Variants in FAM221B observed in about 807,000 individuals in gnomAD.
The protein encoded by FAM221B is protein FAM221B.
A neutral mutation model predicts 39.8 loss-of-function variants in FAM221B; 35 were observed. That is an observed-to-expected ratio of 0.88 (90% CI 0.67 to 1.17). The LOEUF is 1.17. Among genes scored for constraint, FAM221B ranks in the 50% most tolerant of loss-of-function variants. The pLI, the probability that FAM221B is intolerant of heterozygous loss-of-function variation, is 0.00. For synonymous variants in FAM221B, 158 were observed against 178.1 expected (o/e 0.89, Z 0.90); for missense variants, 479 against 503.1 (o/e 0.95, Z 0.46).
At chr9:35,821,015 C>T (rs34888682) in intron 3 of FAM221B, among the ~76,000 whole-genome samples, 2,627 of 152,266 alleles carry the variant, frequency 0.017, 34 homozygotes, top group Non-Finnish European at 0.026. Context: ...GATTCTTAGT[C>T]CCAATTAAAG....
At position 35,818,969 on chromosome 9, in the gene FAM221B, C is replaced by T. The variant is rs754496512; in HGVS notation, c.1092G>A (p.Ala364=). ...CGCFESNFLC[A]ACDRRWEEHE... ...GTTCCTCCCAGCGCCGGTCACAGGC[C>T]GCACAGAGGAAATTAGACTCAAAAC... is the stretch of plus-strand genomic sequence containing the variant. The change falls in exon 6 of 7, where the codon GCG becomes GCA. Residue 364 remains alanine (A), a synonymous_variant. Transcript: ENST00000423537. 22 of 1,551,554 alleles carry T rather than the reference C, an allele frequency of 1.4e-5. No homozygotes were observed. Among genetic ancestry groups the T allele is most frequent in the South Asian group, 4.8e-5 (4 of 84,058 alleles).
chr9:35,825,409 GAGA>G lies in FAM221B; in HGVS notation c.599-39_599-37del. 1 of 1,612,944 alleles carries G rather than the reference GAGA, an allele frequency of 6.2e-7. No homozygotes were observed. The highest frequency in any genetic ancestry group is 8.5e-7 in the Non-Finnish European group (1 of 1,179,762). The stretch of plus-strand genomic sequence containing the variant: ...AGAGGATGAGTAACCAGGGGGAAGT[GAGA>G]AGGCCCTAAAACTAAGAGAAGGGGC... On this transcript the variant is annotated intron_variant, in intron 2 of 6. Coordinates refer to ENST00000423537, the MANE Select transcript of FAM221B (RefSeq NM_001012446.4). The surrounding 1 kb of genome is among the most constrained non-coding windows in gnomAD (Gnocchi z 4.2).
Position 35,828,158 on chromosome 9 carries a change from G to A in FAM221B, c.-1+305C>T, listed in dbSNP as rs1258658253. On this transcript the variant is annotated intron_variant, in intron 1 of 6. Coordinates refer to ENST00000423537, the MANE Select transcript of FAM221B (RefSeq NM_001012446.4). This position sits in a 1 kb window ranked among gnomAD's most constrained non-coding sequence, Gnocchi z 4.5. ...AATACAAAAATTAGCTGGGCATGGT[G>A]GCAGGCGCCTGTAGTCCCAGCTACT... is the stretch of plus-strand genomic sequence containing the variant. Among the ~76,000 whole-genome samples, 1 of 152,162 alleles carries A rather than the reference G, an allele frequency of 6.6e-6. No individual in the cohort carries two copies. The highest frequency in any genetic ancestry group is 1.5e-5 in the Non-Finnish European group (1 of 68,034).
rs1564005211 is a variant in FAM221B at position 35,819,274 on chromosome 9, G to T, written c.974C>A (p.Ala325Asp). Reference sequence around the variant, plus strand: ...TTTGCAGCGACATTGGGCCCTCCAGGCCTTGGGGTCAAAGGTGGCCCGTCT... The same window carrying T: ...TTTGCAGCGACATTGGGCCCTCCAGTCCTTGGGGTCAAAGGTGGCCCGTCT... ...LKRRATFDPK[A>D]WRAQCRCKHS... Residue 325 changes from alanine (A) to aspartate (D), a missense_variant, in exon 5 of 7, where the codon GCC (alanine) becomes GAC (aspartate). Ala to Asp is a moderately radical substitution (Grantham distance 126). Transcript: ENST00000423537. 2 of 1,551,756 alleles carry T rather than the reference G, an allele frequency of 1.3e-6. No homozygotes were observed. The highest frequency in any genetic ancestry group is 2.0e-5 in the Admixed American group (1 of 51,012).
chr9:35,820,066 A>C, intron 3 of FAM221B, 66 bp from the exon 4 acceptor site: 2 of 1,160,582 alleles, frequency 1.7e-6, no homozygotes, highest in Non-Finnish European at 2.6e-6. Flanking sequence ...GTTCTTACCT[A>C]TCCCTTGATG....
At position 35,828,377 on chromosome 9, in the gene FAM221B, T is replaced by TACTACA. The variant is rs1829519039; in HGVS notation, c.-1+85_-1+86insTGTAGT. The stretch of plus-strand genomic sequence containing the variant: ...CTACTACTACTACTACTACTACTAC[T>TACTACA]ACAACAATGTGAAGGGACTGAGGGG... On this transcript the variant is annotated intron_variant, in intron 1 of 6. Transcript: ENST00000423537. This position sits in a 1 kb window ranked among gnomAD's most constrained non-coding sequence, Gnocchi z 4.5. The TACTACA allele has an allele frequency of 1.2e-5, 3 of 256,058 alleles. No homozygotes were observed. The highest frequency in any genetic ancestry group is 7.6e-5 in the African/African-American group (3 of 39,734). The allele number at this position is 256,058 out of a possible 1,614,324, so 15.9% of individuals were successfully genotyped here.
Position 35,825,595 on chromosome 9 carries a change from A to C in FAM221B, c.567T>G (p.Thr189=). 6.2e-7 allele frequency: 1 copy of C among 1,613,506 alleles called. No homozygotes were observed. The highest frequency in any genetic ancestry group is 1.1e-5 in the South Asian group (1 of 90,992). Residue 189 remains threonine (T), a synonymous_variant, in exon 2 of 7, where the codon ACT becomes ACG. Coordinates refer to ENST00000423537, the MANE Select transcript of FAM221B (RefSeq NM_001012446.4). The surrounding 1 kb of genome is among the most constrained non-coding windows in gnomAD (Gnocchi z 4.2). ...GGTGTCCAGGTTGGGCTGTGTGAGC[A>C]GTGCTGTCACTGGCATCTACTCCCT... The part of the protein sequence containing the change: ...VEKGVDASDS[T]AHTAQPGHQL...
chr9:35,824,883 G>A (rs982730748), intron 3 of FAM221B, among the ~76,000 whole-genome samples: 9 of 152,002 alleles, frequency 5.9e-5, no homozygotes, highest in Admixed American at 2.0e-4. Context: ...GGGTTTCATC[G>A]TGTTACCCAG....
Position 35,825,873 on chromosome 9 carries a change from G to C in FAM221B, c.289C>G (p.Pro97Ala). Residue 97 changes from proline to alanine, a missense_variant, in exon 2 of 7, where the codon CCC becomes GCC. Pro to Ala is a conservative substitution (Grantham distance 27). Coordinates refer to ENST00000423537, the MANE Select transcript of FAM221B (RefSeq NM_001012446.4). This position sits in a 1 kb window ranked among gnomAD's most constrained non-coding sequence, Gnocchi z 4.2. ...TPTYEASLDS[P>A]ISVVPEKHLT... ...TGTTTCTCTGGCACCACTGAGATGG[G>C]ACTATCCAATGAAGCCTCATAGGTA... The C allele has an allele frequency of 8.7e-6, 14 of 1,614,150 alleles. No homozygotes were observed. The highest frequency in any genetic ancestry group is 1.1e-5 in the Non-Finnish European group (13 of 1,180,020).
intron 3 of FAM221B, chr9:35,821,648 T>G (rs1829154080): frequency 1.5e-6 from 2 of 1,363,520 alleles, no homozygotes; most frequent in South Asian, 2.3e-5. Context: ...CAGGATACAT[T>G]AAAAAAGCAG....
Position 35,828,601 on chromosome 9 carries a change from T to C in FAM221B, c.-139A>G. 2 of 985,484 alleles carry C rather than the reference T, an allele frequency of 2.0e-6. No individual in the cohort carries two copies. The highest frequency in any genetic ancestry group is 2.4e-6 in the Non-Finnish European group (2 of 829,966). 61.0% of individuals were successfully genotyped at this position (985,484 alleles called of 1,614,324 possible). A position where few individuals can be genotyped will look rare whatever the true frequency, so the allele number is the denominator to read the frequency against. ...CAGCTGCAGGTGCTGAGTGTTGAAATGCCTTGCCTGAAAGTCTGCTATCTG... is the reference window on the plus strand; with the variant it reads ...CAGCTGCAGGTGCTGAGTGTTGAAACGCCTTGCCTGAAAGTCTGCTATCTG... On this transcript the variant is annotated 5_prime_UTR_variant, in exon 1 of 7. Transcript: ENST00000423537. This position sits in a 1 kb window ranked among gnomAD's most constrained non-coding sequence, Gnocchi z 4.5.
intron 3 of FAM221B, among the ~76,000 whole-genome samples, chr9:35,822,291 C>T (rs1362602665): frequency 6.6e-6 from 1 of 152,238 alleles, no homozygotes; most frequent in Non-Finnish European, 1.5e-5. Flanking sequence ...CTACCACTTA[C>T]TTATGCCAAA....
intron 5 of FAM221B, 73 bp downstream of exon 5, chr9:35,819,124 C>T: frequency 6.5e-7 from 1 of 1,532,382 alleles, no homozygotes; most frequent in East Asian, 2.5e-5. Context: ...TACCTGCTCT[C>T]CATCATTATC....
chr9:35,823,499 G>A (rs946055709), intron 3 of FAM221B, among the ~76,000 whole-genome samples: 1 of 152,164 alleles, frequency 6.6e-6, no homozygotes, highest in Non-Finnish European at 1.5e-5. Context: ...CTATTAGGAG[G>A]GGACCTCAAA....
At chr9:35,824,297 T>C (rs908725765) in intron 3 of FAM221B, among the ~76,000 whole-genome samples, 2 of 152,200 alleles carry the variant, frequency 1.3e-5, no homozygotes, top group Admixed American at 1.3e-4. Flanking sequence ...TAGACATGAA[T>C]TTCCATAACA....
intron 1 of FAM221B, 100 bp from the exon 2 acceptor site, chr9:35,826,261 A>G (rs1316183492): frequency 5.6e-6 from 5 of 887,602 alleles, no homozygotes; most frequent in Non-Finnish European, 7.0e-6. Context: ...GAATTTGGAT[A>G]AGGATATCAG....
At position 35,817,032 on chromosome 9, in the gene FAM221B, T is replaced by C. The variant is rs563689854; in HGVS notation, c.*1437A>G. On this transcript the variant is annotated 3_prime_UTR_variant, in exon 7 of 7. Coordinates refer to ENST00000423537, the MANE Select transcript of FAM221B (RefSeq NM_001012446.4). ...GGAGGATAGGTGGATACAAAGCACT[T>C]TGAAATTAGTTATTTCTTTGGTTCT... is the stretch of plus-strand genomic sequence containing the variant. The C allele has an allele frequency of 6.6e-6, 1 of 152,320 alleles. No individual in the cohort carries two copies. Among genetic ancestry groups the C allele is most frequent in the East Asian group, 1.9e-4 (1 of 5,180 alleles). 9.4% of individuals were successfully genotyped at this position (152,320 alleles called of 1,614,324 possible).
intron 3 of FAM221B, chr9:35,821,556 A>T (rs1202657632): frequency 7.3e-7 from 1 of 1,367,810 alleles, no homozygotes; most frequent in African/African-American, 1.5e-5. Context: ...CTTTGTTGAG[A>T]GAGCAAGGTA....
At position 35,818,244 on chromosome 9, in the gene FAM221B, G is replaced by GGGA; in HGVS notation, c.*224_*225insTCC. On this transcript the variant is annotated 3_prime_UTR_variant, in exon 7 of 7. Transcript: ENST00000423537. ...CATCACTTCCCACTCTATCCTTCTT[G>GGGA]AAACTTCCTCCCTTCTTGACTTCCT... 3.5e-6 allele frequency: 2 copies of GGGA among 570,882 alleles called. No homozygotes were observed. Among genetic ancestry groups the GGGA allele is most frequent in the Non-Finnish European group, 6.3e-6 (2 of 317,776 alleles). 35.4% of individuals were successfully genotyped at this position (570,882 alleles called of 1,614,324 possible).
Sources: gnomAD v4.1 joint callset for allele counts (sites outside exome capture counted in the v4.1 genomes callset) on GRCh38, gnomAD v4.1.1 for gene constraint, Gnocchi (gnomAD v3.1) non-coding constraint, MANE v1.5 for transcripts, NCBI Gene and HGNC (gene_info 2026-07-23, HGNC 2026-07-21) for gene names.